RALYL: variants seen among roughly 807,000 people sequenced by gnomAD.
RALYL encodes the protein RNA-binding Raly-like protein.
In RALYL, 29 loss-of-function variants were observed where a neutral mutation model predicts 35.1. The ratio of observed to expected loss-of-function variants is 0.83; its 90% CI spans 0.61 to 1.13. RALYL has a LOEUF of 1.13. Ranked by LOEUF, RALYL falls within the 50% of genes most tolerant of loss-of-function variation. RALYL has a pLI of 0.00. For missense variants in RALYL, 359 were observed against 360.4 expected (o/e 1.00, Z 0.03); for synonymous variants, 120 against 127.6 (o/e 0.94, Z 0.40).
At chr8:84,499,882 T>G (rs711031) in intron 1 of RALYL, among the ~76,000 whole-genome samples, 146,164 of 152,138 alleles carry the variant, frequency 0.96, 70,252 homozygotes, top group East Asian at 1. Flanking sequence ...AGCCTCCAGA[T>G]TAGCTGAGAC....
At chr8:84,535,660 A>T (rs1281347829) in intron 2 of RALYL, among the ~76,000 whole-genome samples, 1 of 145,492 alleles carries the variant, frequency 6.9e-6, no homozygotes, top group African/African-American at 2.6e-5. Flanking sequence ...TTTTTAGTAG[A>T]GATGGGTTTT....
intron 6 of RALYL, among the ~76,000 whole-genome samples, chr8:84,863,358 A>T (rs1022492922): frequency 6.6e-6 from 1 of 152,166 alleles, no homozygotes; most frequent in Non-Finnish European, 1.5e-5. Flanking sequence ...TAGTCAAGGA[A>T]CAATAAGGAA....
chr8:84,252,563 A>G (rs527402114), intron 1 of RALYL, among the ~76,000 whole-genome samples: 1 of 152,252 alleles, frequency 6.6e-6, no homozygotes, highest in South Asian at 2.1e-4. Flanking sequence ...TTAAGCTTGG[A>G]TAGAAAAAAG....
At chr8:84,332,005 C>T (rs1486482972) in intron 1 of RALYL, among the ~76,000 whole-genome samples, 1 of 152,004 alleles carries the variant, frequency 6.6e-6, no homozygotes, top group East Asian at 1.9e-4. Flanking sequence ...GTTATATGAC[C>T]TGACATTTAA....
intron 2 of RALYL, among the ~76,000 whole-genome samples, chr8:84,616,808 A>G (rs1176648829): frequency 4.6e-5 from 7 of 151,848 alleles, no homozygotes; most frequent in Non-Finnish European, 8.8e-5. Flanking sequence ...CTTTCTACAT[A>G]TGCCTAGTCA....
At chr8:84,912,335 TG>T (rs1847650824) in intron 8 of RALYL, among the ~76,000 whole-genome samples, 1 of 152,122 alleles carries the variant, frequency 6.6e-6, no homozygotes, top group Non-Finnish European at 1.5e-5. Flanking sequence ...AGGAGCTCTG[TG>T]CTAGGAACCA....
intron 1 of RALYL, among the ~76,000 whole-genome samples, chr8:84,422,009 C>G (rs191979973): frequency 4.0e-4 from 61 of 152,190 alleles, no homozygotes; most frequent in African/African-American, 1.3e-3. Context: ...CTAAAATTCT[C>G]TTTTTTGGTT....
intron 2 of RALYL, among the ~76,000 whole-genome samples, chr8:84,569,799 G>A (rs902107796): frequency 2.0e-5 from 3 of 151,464 alleles, no homozygotes; most frequent in Non-Finnish European, 4.4e-5. Context: ...TCATTTATTT[G>A]CATATGGCTA....
At chr8:84,527,142 G>A (rs113031076) in intron 1 of RALYL, among the ~76,000 whole-genome samples, 3 of 152,208 alleles carry the variant, frequency 2.0e-5, no homozygotes, top group Non-Finnish European at 2.9e-5. Flanking sequence ...CTGACAAGTC[G>A]GTGGTTGTGA....
At chr8:84,598,029 G>A (rs1256276271) in intron 2 of RALYL, among the ~76,000 whole-genome samples, 1 of 152,040 alleles carries the variant, frequency 6.6e-6, no homozygotes, top group Non-Finnish European at 1.5e-5. Context: ...ACAAACCTCT[G>A]CTATCTGAGC....
At chr8:84,849,778 TAC>T (rs907153881) in intron 4 of RALYL, among the ~76,000 whole-genome samples, 200 bp from the exon 5 acceptor site, 61 of 152,294 alleles carry the variant, frequency 4.0e-4, no homozygotes, top group Middle Eastern at 3.4e-3. Context: ...TATCAGTCCC[TAC>T]ATTGTCAAAC....
intron 5 of RALYL, among the ~76,000 whole-genome samples, chr8:84,858,599 A>G (rs1837504711): frequency 6.6e-6 from 1 of 152,198 alleles, no homozygotes; most frequent in South Asian, 2.1e-4. Flanking sequence ...GTCAGTCTAC[A>G]ATCTTAAATG....
chr8:84,820,410 G>A (rs574891105), intron 4 of RALYL, among the ~76,000 whole-genome samples: 3 of 152,290 alleles, frequency 2.0e-5, no homozygotes, highest in African/African-American at 7.2e-5. Flanking sequence ...CTAACCTTAA[G>A]TGATGTTTCA....
chr8:84,680,835 G>A (rs1474578582), intron 2 of RALYL, among the ~76,000 whole-genome samples: 1 of 151,964 alleles, frequency 6.6e-6, no homozygotes, highest in Non-Finnish European at 1.5e-5. Flanking sequence ...CTTTTGCTGT[G>A]CAGAAGCTCT....
At chr8:84,511,417 T>G (rs2134417144) in intron 1 of RALYL, among the ~76,000 whole-genome samples, 1 of 152,332 alleles carries the variant, frequency 6.6e-6, no homozygotes, top group Admixed American at 6.5e-5. Flanking sequence ...ATTCTCTTAT[T>G]TTTTATTTAT....
intron 1 of RALYL, among the ~76,000 whole-genome samples, chr8:84,370,514 T>G (rs1855473370): frequency 6.6e-6 from 1 of 151,656 alleles, no homozygotes. Flanking sequence ...TAATCATGAG[T>G]CTGTTAAACG....
rs191761086 is a variant in RALYL at position 84,384,908 on chromosome 8, A to G, written c.-23-144391A>G. On this transcript the variant is annotated intron_variant, in intron 1 of 8. Transcript: ENST00000521268. Reference sequence around the variant, plus strand: ...GTTCTAGTTATTTTTAAGGCTACCTATGCCTCTACTCCATTCCTTCTCCAA... The same window carrying G: ...GTTCTAGTTATTTTTAAGGCTACCTGTGCCTCTACTCCATTCCTTCTCCAA... 4.1e-4 allele frequency among the ~76,000 whole-genome samples: 63 copies of G among 151,934 alleles called. 2 individuals are homozygous for G. The East Asian group carries it at 0.011, about 26-fold the overall frequency.
chr8:84,601,431 A>G (rs944035029), intron 2 of RALYL, among the ~76,000 whole-genome samples: 1 of 152,132 alleles, frequency 6.6e-6, no homozygotes, highest in African/African-American at 2.4e-5. Flanking sequence ...GAAATTACCT[A>G]GAAACTAAAC....
chr8:84,203,747 T>C (rs1253640680), intron 1 of RALYL, among the ~76,000 whole-genome samples: 1 of 152,178 alleles, frequency 6.6e-6, no homozygotes, highest in Non-Finnish European at 1.5e-5. Flanking sequence ...TAGTTTTTCC[T>C]AGATTATATG....
Sources: allele counts gnomAD v4.1 joint callset (sites outside exome capture counted in the v4.1 genomes callset), GRCh38; gene constraint gnomAD v4.1.1; transcripts MANE v1.5; gene names NCBI Gene and HGNC (gene_info 2026-07-23, HGNC 2026-07-21).